The following LRP2 variants were observed in gnomAD, a reference collection of about 807,000 sequenced individuals.
LRP2 encodes the protein low-density lipoprotein receptor-related protein 2.
A neutral mutation model predicts 531.0 loss-of-function variants in LRP2; 172 were observed. That is an observed-to-expected ratio of 0.32 (90% CI 0.29 to 0.37). The LOEUF (loss-of-function observed/expected upper bound fraction) is 0.37. LRP2 is among the 10% of genes least tolerant of loss of function. The pLI, the probability that LRP2 is intolerant of heterozygous loss-of-function variation, is 1.00. For missense variants in LRP2, 5,167 were observed against 5,868.3 expected (o/e 0.88, Z 3.90); for synonymous variants, 1,992 against 2,027.6 (o/e 0.98, Z 0.47).
At chr2:169,139,759 T>G in intron 72 of LRP2, 149 bp from the exon 73 acceptor site, 1 of 751,506 alleles carries the variant, frequency 1.3e-6, no homozygotes, top group Non-Finnish European at 2.4e-6. Flanking sequence ...TTGTTCATTC[T>G]GCCAAGAGAA....
Position 169,246,904 on chromosome 2 carries a change from C to A in LRP2, c.2991G>T (p.Val997=), listed in dbSNP as rs1183080500. Residue 997 remains valine, a synonymous_variant, in exon 21 of 79, where the codon GTG becomes GTT. Coordinates refer to ENST00000649046, the MANE Select transcript of LRP2 (RefSeq NM_004525.3). Reference sequence around the variant, plus strand: ...GCCTCATTCCATAAGGGCACCCACACACTCGCTGGAAATTTGGCACCGGGA... The same window carrying A: ...GCCTCATTCCATAAGGGCACCCACAAACTCGCTGGAAATTTGGCACCGGGA... ...FCFPVPNFQR[V]CGCPYGMRLA... The A allele has an allele frequency of 6.2e-7, 1 of 1,614,194 alleles. No individual in the cohort carries two copies. The highest frequency in any genetic ancestry group is 1.7e-5 in the Admixed American group (1 of 60,030).
intron 1 of LRP2, among the ~76,000 whole-genome samples, chr2:169,361,168 C>A (rs984254692): frequency 6.6e-6 from 1 of 152,020 alleles, no homozygotes; most frequent in Non-Finnish European, 1.5e-5. Context: ...TTAGTCCCTG[C>A]GGTGGCAGCA....
At chr2:169,129,885 G>A (rs990209348) in intron 77 of LRP2, among the ~76,000 whole-genome samples, 1 of 152,188 alleles carries the variant, frequency 6.6e-6, no homozygotes, top group Non-Finnish European at 1.5e-5. Context: ...GGAGACAAGG[G>A]AACAGACAGC....
chr2:169,320,560 T>G (rs1218401309), intron 2 of LRP2, among the ~76,000 whole-genome samples: 2 of 152,206 alleles, frequency 1.3e-5, no homozygotes, highest in African/African-American at 4.8e-5. Context: ...AAACTGATGC[T>G]CTATCATCAA....
chr2:169,146,407 C>T (rs1284035870), intron 69 of LRP2, among the ~76,000 whole-genome samples: 1 of 152,076 alleles, frequency 6.6e-6, no homozygotes, highest in Non-Finnish European at 1.5e-5. Context: ...ATGAATGTGT[C>T]CAGAAGCGGT....
chr2:169,259,108 G>A lies in LRP2; in HGVS notation c.2430C>T (p.Val810=), dbSNP rs771280911. Residue 810 remains valine, a synonymous_variant, in exon 17 of 79, where the codon GTC becomes GTT. Transcript: ENST00000649046. The part of the protein sequence containing the change: ...WTDSHYKSIS[V]MRLADKTRRT... The stretch of plus-strand genomic sequence containing the variant: ...GTCTCGTTTTATCAGCTAGCCTCAT[G>A]ACACTGATACTCTTGTAATGAGAGT... 6.2e-7 allele frequency: 1 copy of A among 1,612,658 alleles called. No individual in the cohort carries two copies. The highest frequency in any genetic ancestry group is 1.1e-5 in the South Asian group (1 of 91,044).
intron 71 of LRP2, 59 bp downstream of exon 71, chr2:169,142,615 C>A (rs1574067283): frequency 2.5e-6 from 4 of 1,608,686 alleles, no homozygotes; most frequent in Non-Finnish European, 3.4e-6. Context: ...TCTTCTGACT[C>A]CTGAAGGCAG....
intron 45 of LRP2, among the ~76,000 whole-genome samples, chr2:169,197,253 C>T (rs921268107): frequency 6.8e-5 from 10 of 146,082 alleles, no homozygotes; most frequent in Admixed American, 1.3e-4. Context: ...TTCTAGATTC[C>T]AGAAATCAAA....
intron 60 of LRP2, 103 bp downstream of exon 60, chr2:169,169,599 T>C: frequency 1.2e-6 from 1 of 867,118 alleles, no homozygotes; most frequent in Non-Finnish European, 2.0e-6. Context: ...GAACAGACAA[T>C]ACTTATGGCC....
intron 3 of LRP2, among the ~76,000 whole-genome samples, chr2:169,310,417 T>C (rs571386392): frequency 3.3e-5 from 5 of 152,326 alleles, no homozygotes; most frequent in Middle Eastern, 3.4e-3. Context: ...TGAAGGGCTG[T>C]TGAATTTTGT....
At chr2:169,283,714 C>T (rs922875068) in intron 9 of LRP2, among the ~76,000 whole-genome samples, 3 of 152,182 alleles carry the variant, frequency 2.0e-5, no homozygotes, top group African/African-American at 7.2e-5. Context: ...AAAATGTCTT[C>T]TCCTCTACTT....
rs1689684010 is a variant in LRP2 at position 169,238,405 on chromosome 2, G to A, written c.4295-103C>T. ...ATACTTTTGGTAACAGAAAGAAGGT[G>A]TAATTCCAAACTATAGTAAGTTGGT... On this transcript the variant is annotated intron_variant, in intron 26 of 78. Coordinates refer to ENST00000649046, the MANE Select transcript of LRP2 (RefSeq NM_004525.3). The A allele has an allele frequency of 3.6e-6, 3 of 839,068 alleles. No individual in the cohort carries two copies. The Admixed American group carries it at 6.1e-5, about 17-fold the overall frequency. 52.0% of individuals were successfully genotyped at this position (839,068 alleles called of 1,614,324 possible).
chr2:169,272,421 T>C (rs1407432638), intron 15 of LRP2, among the ~76,000 whole-genome samples: 1 of 152,054 alleles, frequency 6.6e-6, no homozygotes, highest in African/African-American at 2.4e-5. Flanking sequence ...GGAGTTTACT[T>C]TGGAATACAG....
At chr2:169,168,453 T>C (rs1399848708) in intron 61 of LRP2, 86 bp downstream of exon 61, 2 of 1,522,976 alleles carry the variant, frequency 1.3e-6, no homozygotes, top group Non-Finnish European at 9.1e-7. Context: ...GTACAACTGC[T>C]CTCCAGGCTC....
At chr2:169,261,911 T>A (rs1303069301) in intron 16 of LRP2, among the ~76,000 whole-genome samples, 1 of 151,454 alleles carries the variant, frequency 6.6e-6, no homozygotes, top group African/African-American at 2.4e-5. Context: ...CAAGTGGGCT[T>A]CATCCCTGGG....
chr2:169,314,400 G>A (rs1684704649), intron 3 of LRP2, among the ~76,000 whole-genome samples: 1 of 148,822 alleles, frequency 6.7e-6, no homozygotes, highest in South Asian at 2.1e-4. Flanking sequence ...TCCAGCCTGG[G>A]CAGCAAAGCA....
At chr2:169,271,383 TA>T (rs1425088613) in intron 15 of LRP2, among the ~76,000 whole-genome samples, 3 of 151,982 alleles carry the variant, frequency 2.0e-5, no homozygotes, top group African/African-American at 7.2e-5. Flanking sequence ...TCCATATGCT[TA>T]ATTTATAAAA....
In LRP2 at chr2:169,362,417, G is replaced by A; in HGVS notation, c.-18C>T. 1 of 1,548,030 alleles carries A rather than the reference G, an allele frequency of 6.5e-7. No individual in the cohort carries two copies. The highest frequency in any genetic ancestry group is 8.7e-7 in the Non-Finnish European group (1 of 1,148,590). On this transcript the variant is annotated 5_prime_UTR_variant, in exon 1 of 79. Transcript: ENST00000649046. ...CGATCCATCTCCGCGACGGTCCCCG[G>A]CCTCGCCGTTCCTTCCCCGGGAGGT...
At chr2:169,247,799 T>A (rs1213504870) in intron 19 of LRP2, among the ~76,000 whole-genome samples, 1 of 152,158 alleles carries the variant, frequency 6.6e-6, no homozygotes, top group African/African-American at 2.4e-5. Flanking sequence ...GCATAGGTAA[T>A]AGTGAAAATA....
Sources: gnomAD v4.1 joint callset for allele counts (sites outside exome capture counted in the v4.1 genomes callset) on GRCh38, gnomAD v4.1.1 for gene constraint, MANE v1.5 for transcripts, NCBI Gene and HGNC (gene_info 2026-07-23, HGNC 2026-07-21) for gene names.